CSMD1: variants seen among roughly 807,000 people sequenced by gnomAD.
The protein encoded by CSMD1 is CUB and sushi domain-containing protein 1.
In CSMD1, 213 loss-of-function variants were observed where a neutral mutation model predicts 417.5. The ratio of observed to expected loss-of-function variants is 0.51; its 90% confidence interval spans 0.46 to 0.57. The LOEUF is 0.57. Ranked by LOEUF, CSMD1 falls within the 20% of genes least tolerant of loss-of-function variation. CSMD1 has a pLI of 0.00. For synonymous variants in CSMD1, 2,862 were observed against 1,736.8 expected (o/e 1.65, Z -16.11); for missense variants, 6,923 against 4,529.7 (o/e 1.53, Z -15.17).
intron 7 of CSMD1, among the ~76,000 whole-genome samples, chr8:3,663,615 C>A (rs893359250): frequency 2.6e-5 from 4 of 152,166 alleles, no homozygotes; most frequent in African/African-American, 9.7e-5. Flanking sequence ...ATCTGATTGC[C>A]TCCTTTGGAA....
At chr8:4,018,965 G>C (rs753829861) in intron 4 of CSMD1, among the ~76,000 whole-genome samples, 1 of 152,186 alleles carries the variant, frequency 6.6e-6, no homozygotes, top group Non-Finnish European at 1.5e-5. Flanking sequence ...CTGACATTTT[G>C]TGATTGCTTT....
At chr8:4,561,792 T>A (rs1485448460) in intron 2 of CSMD1, among the ~76,000 whole-genome samples, 4 of 152,196 alleles carry the variant, frequency 2.6e-5, no homozygotes, top group Admixed American at 2.6e-4. Flanking sequence ...TTTGACTTGA[T>A]GAGGCAGAGG....
intron 44 of CSMD1, among the ~76,000 whole-genome samples, chr8:3,108,179 C>A (rs188851713): frequency 6.6e-6 from 1 of 152,228 alleles, no homozygotes; most frequent in Admixed American, 6.5e-5. Context: ...TGGCAGTGTT[C>A]GTGAGAGATA....
chr8:4,037,894 C>T (rs988518288), intron 3 of CSMD1, among the ~76,000 whole-genome samples: 2 of 151,868 alleles, frequency 1.3e-5, no homozygotes, highest in South Asian at 2.1e-4. Context: ...CTGAAATTCA[C>T]GTAGCTCATA....
chr8:4,566,751 C>T (rs532326045), intron 2 of CSMD1, among the ~76,000 whole-genome samples: 6 of 150,292 alleles, frequency 4.0e-5, no homozygotes, highest in African/African-American at 1.5e-4. Context: ...GGAATGTGCA[C>T]TTTATATAAC....
chr8:3,430,377 G>A (rs990367509), intron 12 of CSMD1, among the ~76,000 whole-genome samples: 1 of 152,112 alleles, frequency 6.6e-6, no homozygotes, highest in Non-Finnish European at 1.5e-5. Flanking sequence ...CACCATGAGA[G>A]TGGAAGCTGT....
intron 33 of CSMD1, 84 bp from the exon 34 acceptor site, chr8:3,190,199 C>G: frequency 9.9e-7 from 1 of 1,007,006 alleles, no homozygotes; most frequent in South Asian, 1.5e-5. Flanking sequence ...TAAGATGGGA[C>G]CAAGGAGAGC....
intron 3 of CSMD1, among the ~76,000 whole-genome samples, chr8:4,393,540 A>G (rs1053277725): frequency 2.0e-5 from 3 of 152,200 alleles, no homozygotes; most frequent in Admixed American, 2.0e-4. Context: ...TTCACTTGGC[A>G]ACAGCTAGAT....
At chr8:4,329,954 G>C (rs1157715617) in intron 3 of CSMD1, among the ~76,000 whole-genome samples, 1 of 152,026 alleles carries the variant, frequency 6.6e-6, no homozygotes, top group Middle Eastern at 3.4e-3. Context: ...GCCATGACTG[G>C]AAGCTCCCTG....
intron 5 of CSMD1, among the ~76,000 whole-genome samples, chr8:3,967,559 C>A (rs1563264240): frequency 6.6e-6 from 1 of 152,050 alleles, no homozygotes; most frequent in Non-Finnish European, 1.5e-5. Context: ...GTGAGTTCAG[C>A]AAATATCACC....
intron 23 of CSMD1, among the ~76,000 whole-genome samples, chr8:3,316,586 G>A (rs950909271): frequency 3.3e-5 from 5 of 152,130 alleles, no homozygotes; most frequent in Admixed American, 6.6e-5. Flanking sequence ...CCACTCAGAG[G>A]GAGAACAGTC....
intron 37 of CSMD1, among the ~76,000 whole-genome samples, chr8:3,176,847 T>G (rs1048080591): frequency 6.6e-6 from 1 of 151,434 alleles, no homozygotes; most frequent in African/African-American, 2.4e-5. Flanking sequence ...GGTGCAATCA[T>G]GGCTGTCTGT....
intron 7 of CSMD1, among the ~76,000 whole-genome samples, chr8:3,688,126 G>A (rs970287300): frequency 2.6e-5 from 4 of 152,218 alleles, no homozygotes; most frequent in Non-Finnish European, 4.4e-5. Flanking sequence ...CTGCTTCGAA[G>A]TAATTGCAAT....
intron 34 of CSMD1, among the ~76,000 whole-genome samples, chr8:3,189,678 A>C (rs919279419): frequency 1.5e-4 from 22 of 149,218 alleles, no homozygotes; most frequent in African/African-American, 5.3e-4. Flanking sequence ...GGCCTACTTC[A>C]TAAATATGGA....
chr8:3,444,820 G>C (rs1049177842), intron 12 of CSMD1, among the ~76,000 whole-genome samples: 2 of 152,144 alleles, frequency 1.3e-5, no homozygotes, highest in African/African-American at 4.8e-5. Flanking sequence ...TCTTTTATAG[G>C]AGAACCTCAG....
chr8:4,531,305 C>G (rs145118560), intron 2 of CSMD1, among the ~76,000 whole-genome samples: 2 of 152,106 alleles, frequency 1.3e-5, no homozygotes, highest in African/African-American at 4.8e-5. Context: ...CCCGATGTGC[C>G]GTGGAATGTA....
chr8:4,370,078 A>G (rs1179098592), intron 3 of CSMD1, among the ~76,000 whole-genome samples: 2 of 151,788 alleles, frequency 1.3e-5, no homozygotes, highest in East Asian at 3.9e-4. Context: ...TTTCGGTGGT[A>G]GTCATTCTTT....
chr8:3,487,595 G>A (rs997895979), intron 11 of CSMD1, among the ~76,000 whole-genome samples: 9 of 152,106 alleles, frequency 5.9e-5, no homozygotes, highest in Admixed American at 6.6e-5. Flanking sequence ...CAAAGTATCG[G>A]GTAAATTTGG....
At chr8:3,733,042 G>A (rs1201708463) in intron 6 of CSMD1, among the ~76,000 whole-genome samples, 3 of 151,904 alleles carry the variant, frequency 2.0e-5, no homozygotes, top group Non-Finnish European at 4.4e-5. Context: ...TTGGGAATAT[G>A]TCAGCCGAAG....
Sources: gnomAD v4.1 joint callset for allele counts (sites outside exome capture counted in the v4.1 genomes callset) on GRCh38, gnomAD v4.1.1 for gene constraint, MANE v1.5 for transcripts, NCBI Gene and HGNC (gene_info 2026-07-23, HGNC 2026-07-21) for gene names.